DPP10: variants seen among roughly 807,000 people sequenced by gnomAD.
The protein encoded by DPP10 is dipeptidyl peptidase like 10, also known as inactive dipeptidyl peptidase 10.
DPP10 carries 33 observed loss-of-function variants against 120.9 expected under a neutral mutation model. The observed-to-expected ratio is 0.27, with a 90% CI of 0.21 to 0.37. The LOEUF (loss-of-function observed/expected upper bound fraction) is 0.37, where lower values mean the gene tolerates loss of function less well. DPP10 is among the 10% of genes least tolerant of loss of function. The pLI, the probability that DPP10 is intolerant of heterozygous loss-of-function variation, is 1.00. For synonymous variants in DPP10, 337 were observed against 326.1 expected, an observed-to-expected ratio of 1.03 and a Z score of -0.36; for missense variants, 816 against 942.8, an observed-to-expected ratio of 0.87 and a Z score of 1.76.
At chr2:115,262,039 A>G (rs2059273583) in intron 1 of DPP10, among the ~76,000 whole-genome samples, 1 of 152,136 alleles carries the variant, frequency 6.6e-6, no homozygotes, top group African/African-American at 2.4e-5. Flanking sequence ...TACCATTCTC[A>G]TTTTTGAGAT....
intron 2 of DPP10, among the ~76,000 whole-genome samples, chr2:115,334,863 CACAAA>C (rs2063024932): frequency 6.7e-6 from 1 of 150,146 alleles, no homozygotes; most frequent in Non-Finnish European, 1.5e-5. Flanking sequence ...TTATGTAAAA[CACAAA>C]ACAAAACATA....
chr2:114,568,008 C>T (rs1689333484), intron 1 of DPP10, among the ~76,000 whole-genome samples: 2 of 148,814 alleles, frequency 1.3e-5, no homozygotes, highest in African/African-American at 2.5e-5. Context: ...CACATGTACC[C>T]TGGAACTTAA....
intron 1 of DPP10, among the ~76,000 whole-genome samples, chr2:115,198,275 C>T (rs903920386): frequency 6.6e-6 from 1 of 152,094 alleles, no homozygotes; most frequent in African/African-American, 2.4e-5. Flanking sequence ...TATAATAGGT[C>T]GTAACACCCT....
intron 1 of DPP10, among the ~76,000 whole-genome samples, chr2:114,856,774 C>T (rs566936534): frequency 3.9e-5 from 6 of 152,158 alleles, no homozygotes; most frequent in East Asian, 1.9e-4. Context: ...TTTATCTTAG[C>T]GGTGGCCATA....
intron 1 of DPP10, among the ~76,000 whole-genome samples, chr2:114,882,580 G>A (rs944314002): frequency 2.0e-5 from 3 of 152,084 alleles, no homozygotes; most frequent in African/African-American, 7.2e-5. Flanking sequence ...ACTGGGTGCA[G>A]TGTACACTGC....
At chr2:114,774,541 A>G (rs1029259763) in intron 1 of DPP10, among the ~76,000 whole-genome samples, 4 of 151,132 alleles carry the variant, frequency 2.6e-5, no homozygotes, top group African/African-American at 9.7e-5. Context: ...TCTTAAAATC[A>G]GGAGAAAATG....
intron 1 of DPP10, among the ~76,000 whole-genome samples, chr2:115,179,284 G>T (rs1346102265): frequency 6.6e-6 from 1 of 152,094 alleles, no homozygotes. Flanking sequence ...TAATAAGAAA[G>T]ATTATATTCC....
chr2:114,539,034 T>C (rs1686740749), intron 1 of DPP10, among the ~76,000 whole-genome samples: 1 of 152,142 alleles, frequency 6.6e-6, no homozygotes, highest in Admixed American at 6.6e-5. Context: ...ACCTGAGAGA[T>C]GACAGCCACT....
intron 1 of DPP10, among the ~76,000 whole-genome samples, chr2:115,045,128 A>C (rs1704963442): frequency 6.6e-6 from 1 of 152,210 alleles, no homozygotes; most frequent in Non-Finnish European, 1.5e-5. Flanking sequence ...TTTTGGGTAC[A>C]TACCGAGCAA....
intron 1 of DPP10, among the ~76,000 whole-genome samples, chr2:114,823,632 C>T (rs1390365982): frequency 6.6e-6 from 1 of 152,024 alleles, no homozygotes; most frequent in East Asian, 1.9e-4. Flanking sequence ...TGGTGAAGCA[C>T]CCAGAGATGA....
At chr2:114,608,913 G>A (rs1693051790) in intron 1 of DPP10, among the ~76,000 whole-genome samples, 1 of 152,132 alleles carries the variant, frequency 6.6e-6, no homozygotes, top group Non-Finnish European at 1.5e-5. Flanking sequence ...AGGACGGCAA[G>A]GGTTGAAAAA....
chr2:115,768,955 TA>T (rs1432858879), intron 13 of DPP10, among the ~76,000 whole-genome samples: 2 of 152,032 alleles, frequency 1.3e-5, no homozygotes, highest in African/African-American at 4.8e-5. Flanking sequence ...GTTTTTTTTT[TA>T]GACTTTCCGA....
intron 1 of DPP10, among the ~76,000 whole-genome samples, chr2:114,480,709 G>A (rs993604480): frequency 1.5e-5 from 2 of 132,016 alleles, no homozygotes; most frequent in Non-Finnish European, 3.2e-5. Context: ...GACTGTTGTG[G>A]GGTGGGGGGA....
intron 7 of DPP10, among the ~76,000 whole-genome samples, chr2:115,714,876 A>C (rs919436543): frequency 6.6e-6 from 1 of 152,046 alleles, no homozygotes; most frequent in African/African-American, 2.4e-5. Context: ...AAAAATATAC[A>C]AAAATTAGCC....
intron 3 of DPP10, among the ~76,000 whole-genome samples, chr2:115,421,810 G>A (rs111722991): frequency 2.3e-5 from 3 of 130,176 alleles, no homozygotes; most frequent in African/African-American, 8.7e-5. Context: ...AGCAGAGGTT[G>A]CAGTGAGCCG....
chr2:115,109,200 T>G (rs2049091238), intron 1 of DPP10, among the ~76,000 whole-genome samples: 1 of 152,126 alleles, frequency 6.6e-6, no homozygotes, highest in Admixed American at 6.5e-5. Context: ...GTTTGGGGAT[T>G]TCTTAACCCT....
intron 5 of DPP10, among the ~76,000 whole-genome samples, chr2:115,551,908 T>C (rs1363414339): frequency 6.6e-6 from 1 of 152,150 alleles, no homozygotes; most frequent in Admixed American, 6.6e-5. Flanking sequence ...TCAAATTATA[T>C]CTATTAAGTA....
At chr2:114,586,488 A>C (rs1279918832) in intron 1 of DPP10, among the ~76,000 whole-genome samples, 3 of 152,240 alleles carry the variant, frequency 2.0e-5, no homozygotes, top group African/African-American at 7.2e-5. Context: ...AACTAGTACC[A>C]GCACATAAAT....
intron 1 of DPP10, among the ~76,000 whole-genome samples, chr2:115,292,197 A>T (rs1336505771): frequency 1.3e-5 from 2 of 152,132 alleles, no homozygotes; most frequent in Non-Finnish European, 2.9e-5. Context: ...ACTTCATAGG[A>T]ATGAATCCCT....
Sources: gnomAD v4.1 joint callset for allele counts (sites outside exome capture counted in the v4.1 genomes callset) on GRCh38, gnomAD v4.1.1 for gene constraint, MANE v1.5 for transcripts, NCBI Gene and HGNC (gene_info 2026-07-23, HGNC 2026-07-21) for gene names.